PHKB: variants seen among roughly 807,000 people sequenced by gnomAD.
PHKB encodes the protein phosphorylase b kinase regulatory subunit beta.
In PHKB, 122 loss-of-function variants were observed where a neutral mutation model predicts 152.1. The ratio of observed to expected loss-of-function variants is 0.80; its 90% CI spans 0.69 to 0.93. The LOEUF (loss-of-function observed/expected upper bound fraction) is 0.93, where lower values mean the gene tolerates loss of function less well. Ranked by LOEUF, PHKB falls within the 40% of genes least tolerant of loss-of-function variation. The pLI is 0.00. For missense variants in PHKB, 1,304 were observed against 1,328.4 expected, an observed-to-expected ratio of 0.98 and a Z score of 0.29; for synonymous variants, 436 against 464.9, an observed-to-expected ratio of 0.94 and a Z score of 0.80.
chr16:47,499,737 G>A lies in PHKB; in HGVS notation c.167-19G>A. 1 of 1,614,048 alleles carries A rather than the reference G, an allele frequency of 6.2e-7. No homozygotes were observed. The highest frequency in any genetic ancestry group is 8.5e-7 in the Non-Finnish European group (1 of 1,179,876). On this transcript the variant is annotated intron_variant, in intron 2 of 30. Coordinates refer to ENST00000323584, the MANE Select transcript of PHKB (RefSeq NM_000293.3). Reference sequence around the variant, plus strand: ...TCGCTGACTGTACAGTTCATTCTTTGTCTTGTCCTCAATTGCAGTCAAGTC... The same window carrying A: ...TCGCTGACTGTACAGTTCATTCTTTATCTTGTCCTCAATTGCAGTCAAGTC...
intron 13 of PHKB, 119 bp downstream of exon 13, chr16:47,596,650 T>A: frequency 1.2e-6 from 1 of 834,396 alleles, no homozygotes; most frequent in Middle Eastern, 2.4e-4. Flanking sequence ...TTGAGAGGTC[T>A]TTAGGGAGTT....
At chr16:47,651,255 T>C (rs1973232867) in intron 20 of PHKB, among the ~76,000 whole-genome samples, 1 of 152,210 alleles carries the variant, frequency 6.6e-6, no homozygotes, top group South Asian at 2.1e-4. Flanking sequence ...TGCTCTATAC[T>C]AACATCCAAC....
At chr16:47,574,075 A>G (rs758164385) in intron 7 of PHKB, among the ~76,000 whole-genome samples, 4 of 152,130 alleles carry the variant, frequency 2.6e-5, no homozygotes, top group Non-Finnish European at 5.9e-5. Flanking sequence ...ATGCACCGCC[A>G]CACCCAGCTA....
Position 47,668,748 on chromosome 16 carries a change from C to T in PHKB, c.2428-467C>T, listed in dbSNP as rs191489146. On this transcript the variant is annotated intron_variant, in intron 25 of 30. Coordinates refer to ENST00000323584, the MANE Select transcript of PHKB (RefSeq NM_000293.3). ...TACACAGGAACTGGGTGGCCTCACA[C>T]CTGCCTTTGAAAGGTTATAGTGTTG... 1.4e-4 allele frequency among the ~76,000 whole-genome samples: 21 copies of T among 152,290 alleles called. No individual in the cohort carries two copies. In the East Asian group the frequency reaches 3.5e-3, roughly 25 times the overall value.
At position 47,593,676 on chromosome 16, in the gene PHKB, A is replaced by G. The variant is rs924932175; in HGVS notation, c.1126+119A>G. 6 of 710,508 alleles carry G rather than the reference A, an allele frequency of 8.4e-6. No individual in the cohort carries two copies. The Admixed American group carries it at 1.0e-4, about 12-fold the overall frequency. 44.0% of individuals were successfully genotyped at this position (710,508 alleles called of 1,614,324 possible). ...TGACTCTTTTCAGCTAGAAAAATAG[A>G]CTGCGCTTCAGTGATGTTAATTGCC... On this transcript the variant is annotated intron_variant, in intron 11 of 30. Coordinates refer to ENST00000323584, the MANE Select transcript of PHKB (RefSeq NM_000293.3).
At chr16:47,606,987 G>A (rs1972336570) in intron 13 of PHKB, among the ~76,000 whole-genome samples, 1 of 152,130 alleles carries the variant, frequency 6.6e-6, no homozygotes, top group Admixed American at 6.6e-5. Context: ...AATTGAGGAT[G>A]TTGCCTTCAT....
chr16:47,629,122 G>T (rs895757405), intron 14 of PHKB, among the ~76,000 whole-genome samples: 19 of 152,232 alleles, frequency 1.2e-4, no homozygotes, highest in African/African-American at 3.9e-4. Flanking sequence ...GGCAAGGACT[G>T]CATGTCTAAA....
chr16:47,585,958 G>A (rs1971927706), intron 8 of PHKB, among the ~76,000 whole-genome samples: 1 of 152,140 alleles, frequency 6.6e-6, no homozygotes, highest in South Asian at 2.1e-4. Flanking sequence ...TTGGCCTAAA[G>A]ATAAATTATA....
chr16:47,551,964 G>C lies in PHKB; in HGVS notation c.710+4416G>C, dbSNP rs1971279429. On this transcript the variant is annotated intron_variant, in intron 7 of 30. Coordinates refer to ENST00000323584, the MANE Select transcript of PHKB (RefSeq NM_000293.3). ...GTTGCATTGATCACTTTACCATTAT[G>C]TAATGGCCTTCTTTGTCTTTCTTGA... Among the ~76,000 whole-genome samples the C allele has an allele frequency of 1.3e-5, 2 of 152,140 alleles. 1 individual carries two copies. Among genetic ancestry groups the C allele is most frequent in the South Asian group, 4.1e-4 (2 of 4,830 alleles).
rs767565970 is a variant in PHKB, at chr16:47,589,028, C to T, written c.994C>T (p.Arg332Cys). The change falls in exon 10 of 31, where the codon CGT becomes TGT. Residue 332 changes from arginine (R) to cysteine (C), a missense_variant. By Grantham distance (180) the Arg-to-Cys change is radical. Coordinates refer to ENST00000323584, the MANE Select transcript of PHKB (RefSeq NM_000293.3). ...RKLKGKYGFK[R>C]FLRDGYRTSL... ...ATTAAAAGGAAAATATGGATTTAAA[C>T]GTTTCTTGAGAGATGGGTATAGAAC... The T allele has an allele frequency of 7.4e-6, 12 of 1,613,622 alleles. No individual in the cohort carries two copies. The highest frequency in any genetic ancestry group is 6.7e-5 in the East Asian group (3 of 44,872).
At chr16:47,640,545 A>T (rs1567337699) in intron 14 of PHKB, among the ~76,000 whole-genome samples, 1 of 152,240 alleles carries the variant, frequency 6.6e-6, no homozygotes, top group Non-Finnish European at 1.5e-5. Flanking sequence ...ATTATATATT[A>T]GAATAAAGTT....
At chr16:47,560,755 T>G (rs1374213916) in intron 7 of PHKB, among the ~76,000 whole-genome samples, 1 of 152,116 alleles carries the variant, frequency 6.6e-6, no homozygotes, top group East Asian at 1.9e-4. Flanking sequence ...ATACAAAAAT[T>G]AATATGAAAG....
rs375331612 is a variant in PHKB at position 47,587,618 on chromosome 16, A to C, written c.775-50A>C. 5 of 1,400,584 alleles carry C rather than the reference A, an allele frequency of 3.6e-6. No homozygotes were observed. The South Asian group carries it at 4.7e-5, about 13-fold the overall frequency. The allele number at this position is 1,400,584 out of a possible 1,614,324, so 86.8% of individuals were successfully genotyped here. A position where few individuals can be genotyped will look rare whatever the true frequency, so the allele number is the denominator to read the frequency against. Reference sequence around the variant, plus strand: ...TTCACAGTCAAAATGCCAAAGTTCTACAAGTCTTTTTTCTTAATTTAGGAA... The same window carrying C: ...TTCACAGTCAAAATGCCAAAGTTCTCCAAGTCTTTTTTCTTAATTTAGGAA... On this transcript the variant is annotated intron_variant, in intron 8 of 30. Transcript: ENST00000323584.
intron 7 of PHKB, among the ~76,000 whole-genome samples, chr16:47,560,622 C>T (rs1971459423): frequency 6.6e-6 from 1 of 152,164 alleles, no homozygotes; most frequent in Admixed American, 6.5e-5. Flanking sequence ...CATCTGTAAT[C>T]AATCGATTTT....
In PHKB at chr16:47,641,781, A is replaced by G. The variant is rs1032219480; in HGVS notation, c.1608+89A>G. ...TAGTTTACAGACAAGTCACACAGTT[A>G]AAATCTGATTCTGATATAGGACCAG... On this transcript the variant is annotated intron_variant, in intron 16 of 30. Transcript: ENST00000323584. 1.8e-5 allele frequency: 14 copies of G among 773,952 alleles called. No homozygotes were observed. In the African/African-American group the frequency reaches 2.2e-4, roughly 12 times the overall value. 47.9% of individuals were successfully genotyped at this position (773,952 alleles called of 1,614,324 possible). A position where few individuals can be genotyped will look rare whatever the true frequency, so the allele number is the denominator to read the frequency against.
In PHKB at chr16:47,616,548, A is replaced by G. The variant is rs546259304; in HGVS notation, c.1458+5628A>G. ...ATTTATAATATATAAATATAAATATAAAACATATGTTAATATATATTTTAC... is the reference window on the plus strand; with the variant it reads ...ATTTATAATATATAAATATAAATATGAAACATATGTTAATATATATTTTAC... On this transcript the variant is annotated intron_variant, in intron 14 of 30. Transcript: ENST00000323584. Among the ~76,000 whole-genome samples the G allele has an allele frequency of 4.2e-3, 619 of 146,044 alleles. 6 individuals are homozygous for G. The highest frequency in any genetic ancestry group is 0.015 in the African/African-American group (591 of 40,308).
At chr16:47,613,106 C>T (rs960976509) in intron 14 of PHKB, among the ~76,000 whole-genome samples, 3 of 152,052 alleles carry the variant, frequency 2.0e-5, no homozygotes, top group Admixed American at 2.0e-4. Flanking sequence ...TGCTTGTTCC[C>T]GAAAGAAGGT....
rs1597159344 is a variant in PHKB at position 47,661,767 on chromosome 16, A to G, written c.2245A>G (p.Lys749Glu). The G allele has an allele frequency of 6.2e-7, 1 of 1,613,462 alleles. No homozygotes were observed. Among genetic ancestry groups the G allele is most frequent in the Non-Finnish European group, 8.5e-7 (1 of 1,179,418 alleles). Residue 749 changes from lysine (K) to glutamate (E), a missense_variant, in exon 23 of 31, where the codon AAA (lysine) becomes GAA (glutamate). Transcript: ENST00000323584. Reference protein sequence around the residue: ...SQAILLGILLKREGPNFITKE... With the variant: ...SQAILLGILLEREGPNFITKE... The stretch of plus-strand genomic sequence containing the variant: ...AGCCATCCTGCTGGGTATACTGCTC[A>G]AAAGAGAAGGCCCCAACTTCATCAC...
intron 13 of PHKB, chr16:47,598,705 C>T: frequency 6.4e-7 from 1 of 1,568,148 alleles, no homozygotes; most frequent in Non-Finnish European, 8.8e-7. Context: ...TAATGGCGCC[C>T]ATGGTTTCCA....
Sources: allele counts gnomAD v4.1 joint callset (sites outside exome capture counted in the v4.1 genomes callset), GRCh38; gene constraint gnomAD v4.1.1; transcripts MANE v1.5; gene names NCBI Gene and HGNC (gene_info 2026-07-23, HGNC 2026-07-21).